The following OTOG variants were observed in gnomAD, a reference collection of about 807,000 sequenced individuals.
OTOG encodes otogelin.
A neutral mutation model predicts 313.8 loss-of-function variants in OTOG; 296 were observed. That is an observed-to-expected ratio of 0.94 (90% CI 0.86 to 1.04). The LOEUF (loss-of-function observed/expected upper bound fraction) is 1.04, where lower values mean the gene tolerates loss of function less well. OTOG is among the 50% of genes least tolerant of loss of function. OTOG has a pLI of 0.00. For synonymous variants in OTOG, 1,533 were observed against 1,554.9 expected, an observed-to-expected ratio of 0.99 and a Z score of 0.33; for missense variants, 3,948 against 3,840.1, an observed-to-expected ratio of 1.03 and a Z score of -0.74.
At chr11:17,638,276 A>G (rs1854310496) in intron 47 of OTOG, among the ~76,000 whole-genome samples, 175 bp from the exon 48 acceptor site, 1 of 152,196 alleles carries the variant, frequency 6.6e-6, no homozygotes, top group Non-Finnish European at 1.5e-5. Flanking sequence ...CAGGACCTGA[A>G]GTAGCTCCCT....
At chr11:17,602,697 A>G (rs1195153302) in intron 32 of OTOG, among the ~76,000 whole-genome samples, 1 of 150,848 alleles carries the variant, frequency 6.6e-6, no homozygotes, top group Non-Finnish European at 1.5e-5. Context: ...CTCTCTTCCT[A>G]TCTCACCCTC....
At chr11:17,571,693 G>A (rs970226276) in intron 17 of OTOG, among the ~76,000 whole-genome samples, 10 of 152,028 alleles carry the variant, frequency 6.6e-5, no homozygotes, top group Admixed American at 2.0e-4. Context: ...TTCATTCCCC[G>A]CCCCAAGTGG....
chr11:17,548,203 G>A lies in OTOG; in HGVS notation c.207G>A (p.Val69=). 1 of 1,547,022 alleles carries A rather than the reference G, an allele frequency of 6.5e-7. No homozygotes were observed. Among genetic ancestry groups the A allele is most frequent in the Non-Finnish European group, 8.7e-7 (1 of 1,144,950 alleles). ...TLAMGDKATV[V]GGQQAEAPDS... ...CCATGGGGGACAAGGCTACAGTCGT[G>A]GGAGGCCAGGTAAGGGAGGTCTTGG... is the stretch of plus-strand genomic sequence containing the variant. Residue 69 remains valine (V), a synonymous_variant, in exon 3 of 56, where the codon GTG becomes GTA. Coordinates refer to ENST00000399397, the MANE Select transcript of OTOG (RefSeq NM_001292063.2).
chr11:17,561,499 C>G (rs1267811269), intron 14 of OTOG, among the ~76,000 whole-genome samples, 163 bp from the exon 15 acceptor site: 1 of 152,082 alleles, frequency 6.6e-6, no homozygotes, highest in Non-Finnish European at 1.5e-5. Context: ...GGGGACAAGC[C>G]TGTGTCTCCC....
Position 17,590,519 on chromosome 11 carries a change from C to T in OTOG, c.2868-931C>T, listed in dbSNP as rs548865186. ...TCTCTTCCCTGATGTGCTGCAGTAG[C>T]CACTCAGCTGGTCTTTCTGCTTCCC... On this transcript the variant is annotated intron_variant, in intron 24 of 55. Transcript: ENST00000399397. Among the ~76,000 whole-genome samples the T allele has an allele frequency of 6.6e-5, 10 of 152,360 alleles. No homozygotes were observed. The South Asian group carries it at 1.4e-3, about 22-fold the overall frequency.
At chr11:17,594,590 G>T (rs1050208436) in intron 28 of OTOG, among the ~76,000 whole-genome samples, 1 of 152,188 alleles carries the variant, frequency 6.6e-6, no homozygotes, top group Non-Finnish European at 1.5e-5. Flanking sequence ...GCTGGGCCAT[G>T]CTTAAATAGA....
intron 15 of OTOG, among the ~76,000 whole-genome samples, chr11:17,562,268 T>C (rs1359307428): frequency 2.1e-5 from 3 of 145,120 alleles, no homozygotes; most frequent in Non-Finnish European, 3.0e-5. Context: ...AGAAATGTAA[T>C]GGCTATCTAC....
intron 39 of OTOG, among the ~76,000 whole-genome samples, chr11:17,627,432 T>TATG (rs1292920288): frequency 1.3e-5 from 2 of 152,204 alleles, no homozygotes; most frequent in Non-Finnish European, 2.9e-5. Context: ...TTGATTTGCG[T>TATG]ATGTTGAATC....
In OTOG at chr11:17,576,631, G is replaced by A. The variant is rs1309768399; in HGVS notation, c.2561+1G>A. 1 of 1,548,586 alleles carries A rather than the reference G, an allele frequency of 6.5e-7. No homozygotes were observed. Among genetic ancestry groups the A allele is most frequent in the Non-Finnish European group, 8.7e-7 (1 of 1,145,122 alleles). ...GTGACATCCCATCCCTGGGCCACTGGTGAGCTCCGTAGGTAGCAGCCTTCT... is the reference window on the plus strand; with the variant it reads ...GTGACATCCCATCCCTGGGCCACTGATGAGCTCCGTAGGTAGCAGCCTTCT... On this transcript the variant is annotated splice_donor_variant, in intron 21 of 55. Transcript: ENST00000399397. LOFTEE classifies it high-confidence loss of function.
rs575233799 is a variant in OTOG at position 17,561,843 on chromosome 11, G to A, written c.1644+36G>A. 5.6e-4 allele frequency: 867 copies of A among 1,548,498 alleles called. 13 individuals are homozygous for A. In the South Asian group the frequency reaches 9.8e-3, roughly 17 times the overall value. On this transcript the variant is annotated intron_variant, in intron 15 of 55. Coordinates refer to ENST00000399397, the MANE Select transcript of OTOG (RefSeq NM_001292063.2). ...GGGATCCCCAGGCCCGATCCACCCA[G>A]CTACTCCTGCCTACTGCCCCCAAGA...
chr11:17,593,974 C>T (rs748672375), intron 27 of OTOG, 73 bp from the exon 28 acceptor site: 169 of 1,535,648 alleles, frequency 1.1e-4, no homozygotes, highest in Non-Finnish European at 1.1e-4. Flanking sequence ...CTCCTGGGCT[C>T]ATGGTGACCC....
intron 15 of OTOG, among the ~76,000 whole-genome samples, chr11:17,566,704 C>T (rs534065162): frequency 2.4e-4 from 36 of 152,330 alleles, no homozygotes; most frequent in East Asian, 1.2e-3. Flanking sequence ...CTATTATTAA[C>T]GCATACCTCT....
At chr11:17,564,156 G>A (rs1852251827) in intron 15 of OTOG, among the ~76,000 whole-genome samples, 1 of 152,130 alleles carries the variant, frequency 6.6e-6, no homozygotes, top group Admixed American at 6.5e-5. Flanking sequence ...CCCATGGAGG[G>A]CCAGCCCTGT....
chr11:17,605,863 A>G lies in OTOG; in HGVS notation c.3884A>G (p.Asp1295Gly), dbSNP rs1853370747. The stretch of plus-strand genomic sequence containing the variant: ...CCCATGTGGTTCTCTGCAGACCCAG[A>G]TGTGGTGTCCCTGGAGGCAGCAGAC... ...ALYKAKAHDP[D>G]VVSLEAADRP... The change falls in exon 33 of 56, where the codon GAT becomes GGT. Residue 1295 changes from aspartate (D) to glycine (G), a missense_variant. Transcript: ENST00000399397. The G allele has an allele frequency of 1.9e-6, 3 of 1,542,804 alleles. No individual in the cohort carries two copies. The highest frequency in any genetic ancestry group is 1.8e-6 in the Non-Finnish European group (2 of 1,141,888).
Position 17,610,646 on chromosome 11 carries a change from G to A in OTOG, c.5346G>A (p.Leu1782=). 1 of 1,550,612 alleles carries A rather than the reference G, an allele frequency of 6.4e-7. No individual in the cohort carries two copies. Among genetic ancestry groups the A allele is most frequent in the East Asian group, 2.4e-5 (1 of 40,906 alleles). ...AASLSTATDG[L]AATPFMSLES... ...GCCTGTCAACAGCCACTGATGGGCT[G>A]GCAGCCACACCCTTCATGTCCCTTG... The change falls in exon 36 of 56, where the codon CTG becomes CTA. Residue 1782 remains leucine (L), a synonymous_variant. Coordinates refer to ENST00000399397, the MANE Select transcript of OTOG (RefSeq NM_001292063.2).
intron 51 of OTOG, among the ~76,000 whole-genome samples, chr11:17,641,402 T>G (rs529135774): frequency 1.7e-4 from 26 of 152,316 alleles, no homozygotes; most frequent in African/African-American, 5.5e-4. Context: ...GTGTTGCTAC[T>G]ATTTGGTGAG....
rs762031418 is a variant in OTOG at position 17,643,461 on chromosome 11, G to A, written c.8416G>A (p.Val2806Ile). Residue 2806 changes from valine (V) to isoleucine (I), a missense_variant and splice_region_variant, in exon 54 of 56, where the codon GTT becomes ATT. Coordinates refer to ENST00000399397, the MANE Select transcript of OTOG (RefSeq NM_001292063.2). ...ACCTCCCCCGACTTCCTCTCTCTAG[G>A]TTGGGGGTTCCGTGGTACCTTCCTT... ...PPLNETECAK[V>I]GGSVVPSLEG... is the part of the protein sequence containing the mutation. 1.2e-5 allele frequency: 17 copies of A among 1,458,336 alleles called. No homozygotes were observed. The highest frequency in any genetic ancestry group is 1.5e-5 in the Non-Finnish European group (17 of 1,099,826). 90.3% of individuals were successfully genotyped at this position (1,458,336 alleles called of 1,614,324 possible).
rs537400486 is a variant in OTOG, at chr11:17,595,393, G to T, written c.3409-645G>T. On this transcript the variant is annotated intron_variant, in intron 28 of 55. Transcript: ENST00000399397. The stretch of plus-strand genomic sequence containing the variant: ...GCAGACATCGGAAACATCTGTATTA[G>T]TTATCTACTGCTATATAAAAATTTT... 4.1e-3 allele frequency among the ~76,000 whole-genome samples: 631 copies of T among 152,322 alleles called. 5 individuals carry two copies. The highest frequency in any genetic ancestry group is 0.014 in the African/African-American group (599 of 41,576).
chr11:17,606,527 G>A (rs1178467516), intron 33 of OTOG, among the ~76,000 whole-genome samples: 1 of 152,200 alleles, frequency 6.6e-6, no homozygotes, highest in Non-Finnish European at 1.5e-5. Flanking sequence ...TGCACAAGGG[G>A]GATAGGTCTG....
Sources: gnomAD v4.1 joint callset for allele counts (sites outside exome capture counted in the v4.1 genomes callset) on GRCh38, gnomAD v4.1.1 for gene constraint, MANE v1.5 for transcripts, NCBI Gene and HGNC (gene_info 2026-07-23, HGNC 2026-07-21) for gene names.